Variants in SIL1 observed in about 807,000 individuals in gnomAD.
SIL1 encodes nucleotide exchange factor SIL1.
Under a neutral mutation model 49.1 loss-of-function variants are expected in SIL1, and 40 were observed. The observed-to-expected ratio is 0.81, with a 90% confidence interval of 0.63 to 1.06. The LOEUF is 1.06. SIL1 is among the 50% of genes least tolerant of loss of function. The pLI is 0.00. For missense variants in SIL1, 500 were observed against 572.6 expected (o/e 0.87, Z 1.29); for synonymous variants, 253 against 250.8 (o/e 1.01, Z -0.08).
chr5:139,198,149 G>A (rs528504644), intron 1 of SIL1, 120 bp downstream of exon 1: 14 of 152,452 alleles, frequency 9.2e-5, no homozygotes, highest in African/African-American at 2.9e-4. Context: ...CACTAGTGAG[G>A]ATGTGTGGGT....
intron 1 of SIL1, among the ~76,000 whole-genome samples, chr5:139,158,952 T>C (rs914765401): frequency 6.6e-6 from 1 of 152,206 alleles, no homozygotes; most frequent in South Asian, 2.1e-4. Flanking sequence ...GGAGACTCTC[T>C]GACATCTTGC....
intron 9 of SIL1, 105 bp downstream of exon 9, chr5:138,951,066 C>CA (rs2150377223): frequency 7.6e-7 from 1 of 1,321,054 alleles, no homozygotes; most frequent in Non-Finnish European, 1.1e-6. Flanking sequence ...GAAGCACACA[C>CA]AAAGCAAACA....
At chr5:139,107,650 C>G (rs1440097620) in intron 3 of SIL1, among the ~76,000 whole-genome samples, 8 of 152,172 alleles carry the variant, frequency 5.3e-5, no homozygotes, top group Admixed American at 5.2e-4. Context: ...GACAGTTCCT[C>G]AGTCTTTGTC....
At chr5:139,131,046 T>C (rs1750853291) in intron 1 of SIL1, among the ~76,000 whole-genome samples, 1 of 152,202 alleles carries the variant, frequency 6.6e-6, no homozygotes, top group Non-Finnish European at 1.5e-5. Context: ...TAAACTAGGA[T>C]AGACGTCAAG....
At chr5:139,042,826 C>T in intron 4 of SIL1, 107 bp from the exon 5 acceptor site, 1 of 987,018 alleles carries the variant, frequency 1.0e-6, no homozygotes, top group South Asian at 1.3e-5. Context: ...TACCAAGATC[C>T]CATCTCTACA....
At chr5:139,127,616 G>A in intron 2 of SIL1, 123 bp downstream of exon 2, 1 of 770,368 alleles carries the variant, frequency 1.3e-6, no homozygotes, top group East Asian at 2.8e-5. Context: ...TCCACTGCCA[G>A]CCACACTCAC....
chr5:138,995,916 C>A (rs1767860998), intron 7 of SIL1, among the ~76,000 whole-genome samples: 1 of 152,222 alleles, frequency 6.6e-6, no homozygotes, highest in African/African-American at 2.4e-5. Flanking sequence ...ATATGTGCCA[C>A]ATTTTCTTTA....
intron 1 of SIL1, among the ~76,000 whole-genome samples, chr5:139,182,038 G>A (rs1023389227): frequency 1.2e-4 from 19 of 152,122 alleles, no homozygotes; most frequent in Middle Eastern, 3.4e-3. Context: ...GAATTTAAAC[G>A]AGCAGTAAAC....
At chr5:139,153,281 C>G (rs559693255) in intron 1 of SIL1, among the ~76,000 whole-genome samples, 1 of 152,160 alleles carries the variant, frequency 6.6e-6, no homozygotes, top group African/African-American at 2.4e-5. Context: ...AAGACACTTC[C>G]GCTTTGAGGC....
At chr5:139,105,754 T>C (rs1770691899) in intron 3 of SIL1, among the ~76,000 whole-genome samples, 1 of 152,124 alleles carries the variant, frequency 6.6e-6, no homozygotes, top group Non-Finnish European at 1.5e-5. Flanking sequence ...CCTCCTCCAG[T>C]CCACCCTTGA....
chr5:139,142,420 A>G (rs183819803), intron 1 of SIL1, among the ~76,000 whole-genome samples: 2 of 152,350 alleles, frequency 1.3e-5, no homozygotes, highest in Admixed American at 1.3e-4. Flanking sequence ...ATTCAGCAGC[A>G]TATTAAGAGA....
chr5:139,182,687 G>C (rs1017212173), intron 1 of SIL1, among the ~76,000 whole-genome samples: 14 of 152,184 alleles, frequency 9.2e-5, no homozygotes, highest in African/African-American at 3.4e-4. Flanking sequence ...AGGAGAAAAG[G>C]GGAAGAGGGA....
intron 3 of SIL1, among the ~76,000 whole-genome samples, chr5:139,095,911 C>G (rs1770452554): frequency 6.6e-6 from 1 of 152,146 alleles, no homozygotes; most frequent in South Asian, 2.1e-4. Context: ...ATAGAAGGCT[C>G]CATCAATTGT....
intron 3 of SIL1, among the ~76,000 whole-genome samples, chr5:139,056,809 G>A (rs1769453468): frequency 1.3e-5 from 2 of 152,164 alleles, no homozygotes; most frequent in South Asian, 4.1e-4. Flanking sequence ...CACCCCGTCT[G>A]GGAGGTGTAC....
At chr5:138,976,310 CTTTT>C (rs542941622) in intron 7 of SIL1, among the ~76,000 whole-genome samples, 3 of 134,410 alleles carry the variant, frequency 2.2e-5, no homozygotes, top group African/African-American at 5.8e-5. Flanking sequence ...TATTACCTCT[CTTTT>C]TTTTTTTTTT....
intron 7 of SIL1, among the ~76,000 whole-genome samples, chr5:139,000,039 T>C (rs1267031068): frequency 6.6e-6 from 1 of 152,250 alleles, no homozygotes; most frequent in Non-Finnish European, 1.5e-5. Context: ...CTTTGTCTTC[T>C]TCCTGATCTT....
intron 3 of SIL1, among the ~76,000 whole-genome samples, chr5:139,057,115 G>A (rs911675320): frequency 1.3e-5 from 2 of 151,346 alleles, no homozygotes; most frequent in African/African-American, 4.9e-5. Context: ...GATGCTTGAA[G>A]GCAGCATGCT....
At chr5:139,129,083 G>T (rs1160025487) in intron 1 of SIL1, among the ~76,000 whole-genome samples, 3 of 152,154 alleles carry the variant, frequency 2.0e-5, no homozygotes, top group African/African-American at 7.2e-5. Context: ...GGAGGCAAAG[G>T]TTGCGGTGAG....
At chr5:139,054,020 C>T (rs151323979) in intron 3 of SIL1, among the ~76,000 whole-genome samples, 1 of 152,342 alleles carries the variant, frequency 6.6e-6, no homozygotes, top group South Asian at 2.1e-4. Flanking sequence ...GAGGCCCTTG[C>T]CTATAGTCCC....
Sources: allele counts gnomAD v4.1 joint callset (sites outside exome capture counted in the v4.1 genomes callset), GRCh38; gene constraint gnomAD v4.1.1; transcripts MANE v1.5; gene names NCBI Gene and HGNC (gene_info 2026-07-23, HGNC 2026-07-21).